Variants in CHN2 observed in about 807,000 individuals in gnomAD.
The protein encoded by CHN2 is chimerin 2.
Under a neutral mutation model 56.3 loss-of-function variants are expected in CHN2, and 35 were observed. The observed-to-expected ratio is 0.62, with a 90% CI of 0.47 to 0.82. The LOEUF (loss-of-function observed/expected upper bound fraction) is 0.82, where lower values mean the gene tolerates loss of function less well. Ranked by LOEUF, CHN2 falls within the 40% of genes least tolerant of loss-of-function variation. The pLI is 0.00. For synonymous variants in CHN2, 210 were observed against 212.8 expected (o/e 0.99, Z 0.12); for missense variants, 491 against 580.5 (o/e 0.85, Z 1.58).
intron 6 of CHN2, among the ~76,000 whole-genome samples, chr7:29,411,336 C>T (rs1032788937): frequency 3.3e-5 from 5 of 152,188 alleles, no homozygotes; most frequent in Admixed American, 6.5e-5. Flanking sequence ...TCTTTGGCCT[C>T]GTACTGGGTA....
At chr7:29,501,535 A>G (rs1472663102) in intron 9 of CHN2, among the ~76,000 whole-genome samples, 2 of 152,186 alleles carry the variant, frequency 1.3e-5, no homozygotes, top group Non-Finnish European at 2.9e-5. Flanking sequence ...TTCAGGCATG[A>G]TAACTACTGA....
intron 1 of CHN2, among the ~76,000 whole-genome samples, chr7:29,243,384 TAGACC>T (rs1395204712): frequency 6.6e-6 from 1 of 152,228 alleles, no homozygotes; most frequent in East Asian, 1.9e-4. Context: ...TGAAAAATTG[TAGACC>T]AGTCAGAGTT....
chr7:29,343,267 A>G (rs62459612), intron 1 of CHN2, among the ~76,000 whole-genome samples: 2,635 of 152,294 alleles, frequency 0.017, 22 homozygotes, highest in Middle Eastern at 0.044. Context: ...ATAAATCTGC[A>G]TTTTGTACCA....
intron 6 of CHN2, among the ~76,000 whole-genome samples, chr7:29,453,387 A>G (rs1273070579): frequency 1.3e-5 from 2 of 152,200 alleles, no homozygotes; most frequent in Admixed American, 6.5e-5. Flanking sequence ...GGCACCAGGC[A>G]GCCTGGATTT....
At chr7:29,378,395 C>T (rs940869203) in intron 3 of CHN2, among the ~76,000 whole-genome samples, 12 of 152,182 alleles carry the variant, frequency 7.9e-5, no homozygotes, top group Non-Finnish European at 1.3e-4. Flanking sequence ...AATAAGAGGT[C>T]CTGAAACTGG....
chr7:29,400,410 A>G lies in CHN2; in HGVS notation c.291-133A>G, dbSNP rs1168442305. 7.9e-6 allele frequency: 7 copies of G among 883,888 alleles called. No homozygotes were observed. The African/African-American group carries it at 1.2e-4, about 15-fold the overall frequency. The allele number at this position is 883,888 out of a possible 1,614,324, so 54.8% of individuals were successfully genotyped here. ...GGGTCTCTGTGAGCGTTAGGGGAAA[A>G]AAAATCACATCAAGTGCTTAGCCCT... On this transcript the variant is annotated intron_variant, in intron 5 of 12. Transcript: ENST00000222792.
chr7:29,299,583 C>G (rs753497406), intron 1 of CHN2, among the ~76,000 whole-genome samples: 2 of 151,936 alleles, frequency 1.3e-5, no homozygotes, highest in Non-Finnish European at 2.9e-5. Context: ...TGTCAGGGGT[C>G]TTGAGATAAT....
chr7:29,175,295 C>G (rs1209779531), intron 2 of CHN2, among the ~76,000 whole-genome samples: 1 of 152,032 alleles, frequency 6.6e-6, no homozygotes, highest in Non-Finnish European at 1.5e-5. Context: ...CTGCCTCAGC[C>G]CCCTCAGTAG....
At chr7:29,433,684 A>G (rs1053528835) in intron 6 of CHN2, among the ~76,000 whole-genome samples, 16 of 152,084 alleles carry the variant, frequency 1.1e-4, no homozygotes, top group African/African-American at 3.6e-4. Flanking sequence ...TAAAAATACA[A>G]AAAAGTTAGT....
At position 29,146,885 on chromosome 7, in the gene CHN2, C is replaced by G. The variant is rs555946730; in HGVS notation, c.199C>G (p.Arg67Gly). Residue 67 changes from arginine (R) to glycine (G), a missense_variant, in exon 2 of 7, where the codon CGA becomes GGA. Physicochemically the swap from Arg to Gly is moderately radical, Grantham distance 125. Transcript: ENST00000439384. ...AAGCCCAGGATTTACATTTGGAAAG[C>G]GAGTGGTGTTTGATTCCCACTGTTT... The G allele has an allele frequency of 3.7e-5, 58 of 1,551,206 alleles. No homozygotes were observed. In the South Asian group the frequency reaches 6.8e-4, roughly 18 times the overall value.
intron 1 of CHN2, among the ~76,000 whole-genome samples, chr7:29,283,920 CTCTTTTTTTTTT>C (rs1791929556): frequency 1.1e-5 from 1 of 88,460 alleles, no homozygotes; most frequent in Non-Finnish European, 2.3e-5. Flanking sequence ...CCCAGCCAAG[CTCTTTTTTTTTT>C]TTTTTTTTTT....
chr7:29,332,201 C>T (rs1386255250), intron 1 of CHN2, among the ~76,000 whole-genome samples: 1 of 152,188 alleles, frequency 6.6e-6, no homozygotes, highest in Non-Finnish European at 1.5e-5. Flanking sequence ...CCAAGCTTGG[C>T]CCCTTACCAG....
intron 6 of CHN2, among the ~76,000 whole-genome samples, chr7:29,473,026 G>T (rs1786243322): frequency 6.6e-6 from 1 of 152,310 alleles, no homozygotes; most frequent in African/African-American, 2.4e-5. Flanking sequence ...ATCCAGGTGT[G>T]TGTATACATT....
chr7:29,336,998 G>A (rs550219538), intron 1 of CHN2, among the ~76,000 whole-genome samples: 5 of 151,952 alleles, frequency 3.3e-5, no homozygotes, highest in East Asian at 3.9e-4. Flanking sequence ...CCTGTCTTCC[G>A]GCACCCACCA....
chr7:29,304,239 A>G (rs755878608), intron 1 of CHN2, among the ~76,000 whole-genome samples: 6 of 152,190 alleles, frequency 3.9e-5, no homozygotes, highest in Non-Finnish European at 7.4e-5. Flanking sequence ...TGTAGAGGAC[A>G]TAAATTAGAG....
chr7:29,327,677 C>T (rs1271955345), intron 1 of CHN2, among the ~76,000 whole-genome samples: 1 of 151,966 alleles, frequency 6.6e-6, no homozygotes, highest in Non-Finnish European at 1.5e-5. Context: ...TTGGGATAGC[C>T]AGAGAAGTGT....
At chr7:29,389,085 A>G (rs1418463557) in intron 3 of CHN2, among the ~76,000 whole-genome samples, 1 of 152,172 alleles carries the variant, frequency 6.6e-6, no homozygotes, top group Non-Finnish European at 1.5e-5. Flanking sequence ...CCCATTGCTC[A>G]GAGCATGTTG....
At chr7:29,179,590 G>A (rs1730007364) in intron 2 of CHN2, among the ~76,000 whole-genome samples, 1 of 152,132 alleles carries the variant, frequency 6.6e-6, no homozygotes. Flanking sequence ...TAACACAAAT[G>A]ATTATTTTGC....
chr7:29,436,316 C>T (rs908369535), intron 6 of CHN2, among the ~76,000 whole-genome samples: 1 of 152,142 alleles, frequency 6.6e-6, no homozygotes. Flanking sequence ...TACCTATCCA[C>T]ATTTTTTAAA....
Sources: gnomAD v4.1 joint callset for allele counts (sites outside exome capture counted in the v4.1 genomes callset) on GRCh38, gnomAD v4.1.1 for gene constraint, MANE v1.5 for transcripts, NCBI Gene and HGNC (gene_info 2026-07-23, HGNC 2026-07-21) for gene names.